ANKRD31: variants seen among roughly 807,000 people sequenced by gnomAD.
ANKRD31 encodes the protein ankyrin repeat domain-containing protein 31.
Under a neutral mutation model 186.0 loss-of-function variants are expected in ANKRD31, and 147 were observed. The ratio of observed to expected loss-of-function variants is 0.79; its 90% CI spans 0.69 to 0.91. The LOEUF (loss-of-function observed/expected upper bound fraction) is 0.91. Among genes scored for constraint, ANKRD31 ranks in the 40% least tolerant of loss-of-function variants. The pLI, the probability that ANKRD31 is intolerant of heterozygous loss-of-function variation, is 0.00. For synonymous variants in ANKRD31, 673 were observed against 736.4 expected (o/e 0.91, Z 1.39); for missense variants, 1,986 against 2,148.8 (o/e 0.92, Z 1.50).
intron 20 of ANKRD31, among the ~76,000 whole-genome samples, chr5:75,111,135 A>G (rs969446764): frequency 5.3e-5 from 8 of 151,822 alleles, no homozygotes; most frequent in African/African-American, 1.9e-4. Flanking sequence ...ATTACCATAT[A>G]TATCATGATC....
intron 22 of ANKRD31, among the ~76,000 whole-genome samples, chr5:75,093,980 G>A (rs1174020702): frequency 6.6e-6 from 1 of 152,096 alleles, no homozygotes; most frequent in Non-Finnish European, 1.5e-5. Flanking sequence ...ACCAGTAAAG[G>A]TAATTATGTA....
intron 3 of ANKRD31, among the ~76,000 whole-genome samples, chr5:75,219,275 AG>A (rs1244022904): frequency 2.0e-5 from 3 of 152,224 alleles, no homozygotes; most frequent in Admixed American, 6.5e-5. Flanking sequence ...TGAGCTGATA[AG>A]CAACTTCAGC....
intron 25 of ANKRD31, among the ~76,000 whole-genome samples, chr5:75,074,209 A>G (rs1414832325): frequency 6.6e-6 from 1 of 152,250 alleles, no homozygotes; most frequent in East Asian, 1.9e-4. Context: ...ATCACAAAGC[A>G]TAGTGTTAAG....
chr5:75,137,837 A>C lies in ANKRD31; in HGVS notation c.3876+19T>G. 6.9e-7 allele frequency: 1 copy of C among 1,443,266 alleles called. No individual in the cohort carries two copies. Among genetic ancestry groups the C allele is most frequent in the Non-Finnish European group, 9.1e-7 (1 of 1,101,828 alleles). 89.4% of individuals were successfully genotyped at this position (1,443,266 alleles called of 1,614,324 possible). A position where few individuals can be genotyped will look rare whatever the true frequency, so the allele number is the denominator to read the frequency against. ...TCCTAAGAAAAAGTAGTAAGATCTT[A>C]ATGTGATGTGCACTGTACCTTTAAA... On this transcript the variant is annotated intron_variant, in intron 17 of 25. Coordinates refer to ENST00000506364, the MANE Select transcript of ANKRD31 (RefSeq NM_001372053.1).
intron 23 of ANKRD31, among the ~76,000 whole-genome samples, chr5:75,085,432 C>T (rs1055513932): frequency 6.6e-5 from 10 of 151,838 alleles, no homozygotes; most frequent in Non-Finnish European, 1.0e-4. Flanking sequence ...AGCACACTGG[C>T]ATGATCTTGG....
chr5:75,154,850 T>G (rs1402054221), intron 11 of ANKRD31, among the ~76,000 whole-genome samples: 1 of 152,054 alleles, frequency 6.6e-6, no homozygotes, highest in Admixed American at 6.6e-5. Context: ...AGACTGTTGG[T>G]GAAAAAGTGG....
At chr5:75,176,412 T>C (rs142624539) in intron 10 of ANKRD31, among the ~76,000 whole-genome samples, 7,444 of 152,176 alleles carry the variant, frequency 0.049, 399 homozygotes, top group African/African-American at 0.13. Context: ...CAGCTTGAGA[T>C]CTGAGAAAGA....
intron 10 of ANKRD31, among the ~76,000 whole-genome samples, chr5:75,184,225 T>C (rs1408773951): frequency 6.6e-6 from 1 of 152,098 alleles, no homozygotes; most frequent in East Asian, 1.9e-4. Context: ...TGGATCCTTA[T>C]TTTCAACACA....
chr5:75,076,238 C>A (rs1744634938), intron 25 of ANKRD31, among the ~76,000 whole-genome samples: 1 of 152,168 alleles, frequency 6.6e-6, no homozygotes, highest in Non-Finnish European at 1.5e-5. Flanking sequence ...CAGTCTCACA[C>A]AACTGCCCTC....
In ANKRD31 at chr5:75,125,287, G is replaced by A. The variant is rs556220113; in HGVS notation, c.3877-6990C>T. Among the ~76,000 whole-genome samples the A allele has an allele frequency of 1.3e-3, 191 of 152,230 alleles. 1 individual carries two copies. The highest frequency in any genetic ancestry group is 3.4e-3 in the Middle Eastern group (1 of 294). On this transcript the variant is annotated intron_variant, in intron 17 of 25. Transcript: ENST00000506364. ...TGAAGTCTGAGTAAAGGTATGAAAC[G>A]ATAAAATATTTTATTTTTCTATTTA...
rs191409698 is a variant in ANKRD31, at chr5:75,188,707, G to A, written c.1409-59C>T. 135 of 1,391,824 alleles carry A rather than the reference G, an allele frequency of 9.7e-5. 1 individual carries two copies. Among genetic ancestry groups the A allele is most frequent in the African/African-American group, 9.4e-4 (65 of 69,034 alleles). The allele number at this position is 1,391,824 out of a possible 1,614,324, so 86.2% of individuals were successfully genotyped here. A position where few individuals can be genotyped will look rare whatever the true frequency, so the allele number is the denominator to read the frequency against. On this transcript the variant is annotated intron_variant, in intron 9 of 25. Coordinates refer to ENST00000506364, the MANE Select transcript of ANKRD31 (RefSeq NM_001372053.1). ...ATTATTTGAATATCAGAAGGAATAC[G>A]GATTACAAACCACATATTTCAAACT...
At position 75,146,810 on chromosome 5, in the gene ANKRD31, A is replaced by C. The variant is rs1751475283; in HGVS notation, c.2601T>G (p.Leu867=). The change falls in exon 14 of 26, where the codon CTT becomes CTG. Residue 867 remains leucine (L), a synonymous_variant. Coordinates refer to ENST00000506364, the MANE Select transcript of ANKRD31 (RefSeq NM_001372053.1). The part of the protein sequence containing the change: ...PHTLQEQHHV[L]YKSHENSNLV... ...AGTTACTGTTTTCATGAGATTTATAAAGTACATGGTGTTGTTCCTGGAGAG... is the reference window on the plus strand; with the variant it reads ...AGTTACTGTTTTCATGAGATTTATACAGTACATGGTGTTGTTCCTGGAGAG... 1 of 1,536,234 alleles carries C rather than the reference A, an allele frequency of 6.5e-7. No individual in the cohort carries two copies. Among genetic ancestry groups the C allele is most frequent in the Admixed American group, 2.0e-5 (1 of 50,920 alleles).
chr5:75,143,125 C>T (rs779225758), intron 15 of ANKRD31, among the ~76,000 whole-genome samples: 1 of 152,110 alleles, frequency 6.6e-6, no homozygotes, highest in Non-Finnish European at 1.5e-5. Flanking sequence ...TTGGCTGTGG[C>T]TACATTGCTC....
At chr5:75,091,506 C>A in intron 22 of ANKRD31, 105 bp from the exon 23 acceptor site, 1 of 998,520 alleles carries the variant, frequency 1.0e-6, no homozygotes, top group Non-Finnish European at 1.4e-6. Flanking sequence ...TACCCTAACA[C>A]CTGATGTATT....
rs186474388 is a variant in ANKRD31 at position 75,132,632 on chromosome 5, C to T, written c.3876+5224G>A. Among the ~76,000 whole-genome samples, 374 of 152,232 alleles carry T rather than the reference C, an allele frequency of 2.5e-3. 8 individuals carry two copies. In the East Asian group the frequency reaches 0.061, roughly 25 times the overall value. On this transcript the variant is annotated intron_variant, in intron 17 of 25. Coordinates refer to ENST00000506364, the MANE Select transcript of ANKRD31 (RefSeq NM_001372053.1). ...GGAGAACTTCCCCAATCTAGCAAGG[C>T]AGGCCAACATTCAAATTCAGGAAAT...
At chr5:75,092,255 G>C (rs1209616904) in intron 22 of ANKRD31, among the ~76,000 whole-genome samples, 7 of 152,230 alleles carry the variant, frequency 4.6e-5, no homozygotes, top group Non-Finnish European at 1.5e-5. Flanking sequence ...AGATTCATTT[G>C]AGATGTAGGC....
intron 10 of ANKRD31, 86 bp downstream of exon 10, chr5:75,188,407 C>G (rs1754877670): frequency 7.7e-7 from 1 of 1,290,392 alleles, no homozygotes; most frequent in Non-Finnish European, 1.0e-6. Context: ...TTACCTTAGG[C>G]TCACTTTGCT....
chr5:75,085,714 C>T (rs74663362), intron 23 of ANKRD31, among the ~76,000 whole-genome samples: 22,748 of 152,108 alleles, frequency 0.15, 1,918 homozygotes, highest in South Asian at 0.37. Context: ...GAAGTCCCAA[C>T]TCTTAAGCAA....
At chr5:75,193,700 T>C (rs2150246737) in intron 7 of ANKRD31, 109 bp from the exon 8 acceptor site, 3 of 980,708 alleles carry the variant, frequency 3.1e-6, no homozygotes, top group South Asian at 3.6e-5. Context: ...ATGCCTATTA[T>C]AGGATCCAAG....
Sources: gnomAD v4.1 joint callset for allele counts (sites outside exome capture counted in the v4.1 genomes callset) on GRCh38, gnomAD v4.1.1 for gene constraint, MANE v1.5 for transcripts, NCBI Gene and HGNC (gene_info 2026-07-23, HGNC 2026-07-21) for gene names.